Variants in OTOGL observed in about 807,000 individuals in gnomAD.
OTOGL encodes otogelin like.
A neutral mutation model predicts 318.5 loss-of-function variants in OTOGL; 285 were observed. The ratio of observed to expected loss-of-function variants is 0.89; its 90% CI spans 0.81 to 0.99. The LOEUF (loss-of-function observed/expected upper bound fraction) is 0.99, where lower values mean the gene tolerates loss of function less well. Ranked by LOEUF, OTOGL falls within the 50% of genes least tolerant of loss-of-function variation. OTOGL has a pLI of 0.00. For synonymous variants in OTOGL, 987 were observed against 936.5 expected, an observed-to-expected ratio of 1.05 and a Z score of -0.99; for missense variants, 2,899 against 2,845.6, an observed-to-expected ratio of 1.02 and a Z score of -0.43.
intron 44 of OTOGL, 71 bp downstream of exon 44, chr12:80,342,233 G>A (rs1592730791): frequency 3.3e-6 from 4 of 1,200,280 alleles, no homozygotes; most frequent in Non-Finnish European, 4.7e-6. Flanking sequence ...ATACGTTACT[G>A]TTCTTGCTAT....
intron 6 of OTOGL, among the ~76,000 whole-genome samples, chr12:80,221,498 A>C (rs1202810324): frequency 6.6e-6 from 1 of 151,978 alleles, no homozygotes; most frequent in Non-Finnish European, 1.5e-5. Context: ...CAAACTCTTG[A>C]GCTCAGGTAA....
Position 80,266,470 on chromosome 12 carries a change from C to CA in OTOGL, c.2245dup (p.Met749AsnfsTer25). ...CCTTAGCTGTGGTGTGCCAGAAGGG[C>CA]ATGCTGTACCATCACTGTTCCTCGT... On this transcript the variant is annotated frameshift_variant, in exon 21 of 59. Coordinates refer to ENST00000547103, the MANE Select transcript of OTOGL (RefSeq NM_001378609.3). LOFTEE classifies it high-confidence loss of function. The CA allele has an allele frequency of 6.2e-7, 1 of 1,613,492 alleles. No homozygotes were observed. Among genetic ancestry groups the CA allele is most frequent in the Non-Finnish European group, 8.5e-7 (1 of 1,179,648 alleles).
chr12:80,274,551 T>C (rs2137602021), intron 24 of OTOGL, among the ~76,000 whole-genome samples: 1 of 152,154 alleles, frequency 6.6e-6, no homozygotes, highest in African/African-American at 2.4e-5. Context: ...ATGGAGAAGC[T>C]GCAGCAAGTT....
chr12:80,206,585 C>T (rs374307458), intron 1 of OTOGL, among the ~76,000 whole-genome samples: 11 of 152,076 alleles, frequency 7.2e-5, no homozygotes, highest in East Asian at 3.9e-4. Context: ...CCTCAGTTCA[C>T]GGCAACCTTG....
intron 33 of OTOGL, among the ~76,000 whole-genome samples, chr12:80,319,397 GAATC>G (rs1255031694): frequency 3.3e-5 from 5 of 152,134 alleles, no homozygotes; most frequent in African/African-American, 4.8e-5. Context: ...TTTGTTGGAT[GAATC>G]AATCAGACTT....
chr12:80,215,252 T>C (rs956681389), intron 4 of OTOGL, among the ~76,000 whole-genome samples: 3 of 151,022 alleles, frequency 2.0e-5, no homozygotes, highest in Non-Finnish European at 4.4e-5. Context: ...CTGCAACCTC[T>C]GCCTCCTGGG....
intron 1 of OTOGL, among the ~76,000 whole-genome samples, chr12:80,117,752 C>T (rs368220390): frequency 2.0e-5 from 3 of 152,218 alleles, no homozygotes; most frequent in East Asian, 3.9e-4. Flanking sequence ...TGTTAGCATC[C>T]GTATACCTAA....
chr12:80,117,312 C>CT (rs1222960795), intron 1 of OTOGL, among the ~76,000 whole-genome samples: 45 of 152,086 alleles, frequency 3.0e-4, no homozygotes, highest in African/African-American at 6.0e-4. Context: ...TAAAACAAGA[C>CT]TTTTTTTATT....
At chr12:80,142,605 G>A (rs1487712305) in intron 1 of OTOGL, among the ~76,000 whole-genome samples, 1 of 152,146 alleles carries the variant, frequency 6.6e-6, no homozygotes, top group Non-Finnish European at 1.5e-5. Context: ...CCCAAGGCCA[G>A]GAGATAATGT....
rs543601044 is a variant in OTOGL at position 80,177,646 on chromosome 12, C to T, written c.-19-31767C>T. On this transcript the variant is annotated intron_variant, in intron 1 of 58. Coordinates refer to ENST00000547103, the MANE Select transcript of OTOGL (RefSeq NM_001378609.3). ...GCCAGTAAGATTGTGTTTGGGATGA[C>T]ATTTAATCTATAGATCAATTTTGGG... Among the ~76,000 whole-genome samples, 11 of 152,188 alleles carry T rather than the reference C, an allele frequency of 7.2e-5. No individual in the cohort carries two copies. The South Asian group carries it at 2.3e-3, about 32-fold the overall frequency.
At chr12:80,159,441 G>T (rs1335259209) in intron 1 of OTOGL, among the ~76,000 whole-genome samples, 1 of 152,070 alleles carries the variant, frequency 6.6e-6, no homozygotes, top group Non-Finnish European at 1.5e-5. Flanking sequence ...ATAGAATTCA[G>T]CTGTGAATAT....
intron 1 of OTOGL, chr12:80,208,321 A>G (rs1592547523): frequency 2.2e-6 from 1 of 448,694 alleles, no homozygotes; most frequent in Non-Finnish European, 4.4e-6. Context: ...GGATGTCAAG[A>G]ATACTTAATA....
At chr12:80,159,622 C>T (rs1873365576) in intron 1 of OTOGL, among the ~76,000 whole-genome samples, 1 of 152,068 alleles carries the variant, frequency 6.6e-6, no homozygotes, top group South Asian at 2.1e-4. Flanking sequence ...AATGGACACA[C>T]ATTCCATGCT....
intron 1 of OTOGL, among the ~76,000 whole-genome samples, chr12:80,127,934 C>G (rs1870963518): frequency 6.6e-6 from 1 of 152,192 alleles, no homozygotes; most frequent in South Asian, 2.1e-4. Context: ...TCTAGTTAGC[C>G]ATTCATCTAA....
At chr12:80,335,875 C>T (rs1888359067) in intron 38 of OTOGL, 88 bp from the exon 39 acceptor site, 5 of 1,230,090 alleles carry the variant, frequency 4.1e-6, no homozygotes, top group Non-Finnish European at 5.4e-6. Flanking sequence ...TAAATGTACA[C>T]CATGGGCAAT....
intron 19 of OTOGL, among the ~76,000 whole-genome samples, chr12:80,263,951 A>G (rs1250882230): frequency 6.6e-6 from 1 of 152,078 alleles, no homozygotes; most frequent in Non-Finnish European, 1.5e-5. Flanking sequence ...AGTTTAAGTC[A>G]TTTGTTTTTA....
chr12:80,126,321 T>C (rs938130251), intron 1 of OTOGL, among the ~76,000 whole-genome samples: 11 of 152,206 alleles, frequency 7.2e-5, no homozygotes, highest in Admixed American at 2.0e-4. Flanking sequence ...CAGGAGCAGG[T>C]TGTTCAGTTT....
intron 1 of OTOGL, among the ~76,000 whole-genome samples, chr12:80,150,308 A>G (rs938885248): frequency 6.6e-6 from 1 of 152,206 alleles, no homozygotes; most frequent in African/African-American, 2.4e-5. Context: ...CTATGCAGCT[A>G]CAACAGAATA....
intron 11 of OTOGL, among the ~76,000 whole-genome samples, chr12:80,242,771 G>T (rs1378711396): frequency 2.2e-4 from 33 of 152,130 alleles, no homozygotes; most frequent in Admixed American, 2.2e-3. Context: ...ATAGGGCAGA[G>T]AAACAGGTCT....
Sources: gnomAD v4.1 joint callset for allele counts (sites outside exome capture counted in the v4.1 genomes callset) on GRCh38, gnomAD v4.1.1 for gene constraint, MANE v1.5 for transcripts, NCBI Gene and HGNC (gene_info 2026-07-23, HGNC 2026-07-21) for gene names.